Variants in FBXL13 observed in about 807,000 individuals in gnomAD.
FBXL13 encodes the protein F-box and leucine rich repeat protein 13.
In FBXL13, 67 loss-of-function variants were observed where a neutral mutation model predicts 83.6. The observed-to-expected ratio is 0.80, with a 90% CI of 0.66 to 0.98. The LOEUF (loss-of-function observed/expected upper bound fraction) is 0.98. Ranked by LOEUF, FBXL13 falls within the 50% of genes least tolerant of loss-of-function variation. The pLI, the probability that FBXL13 is intolerant of heterozygous loss-of-function variation, is 0.00. For synonymous variants in FBXL13, 272 were observed against 299.5 expected, an observed-to-expected ratio of 0.91 and a Z score of 0.95; for missense variants, 822 against 866.5, an observed-to-expected ratio of 0.95 and a Z score of 0.64.
intron 11 of FBXL13, among the ~76,000 whole-genome samples, chr7:102,887,966 T>TG (rs1811019666): frequency 6.6e-6 from 1 of 152,190 alleles, no homozygotes; most frequent in African/African-American, 2.4e-5. Flanking sequence ...AAGGCATCTT[T>TG]GGGGAAAAGA....
chr7:103,036,858 C>G (rs1311628333), intron 2 of FBXL13, among the ~76,000 whole-genome samples: 1 of 152,162 alleles, frequency 6.6e-6, no homozygotes, highest in African/African-American at 2.4e-5. Context: ...TGGACAGAAA[C>G]GCTCACTAAC....
intron 10 of FBXL13, among the ~76,000 whole-genome samples, chr7:102,921,714 G>A (rs566001475): frequency 1.6e-4 from 24 of 152,068 alleles, no homozygotes; most frequent in Non-Finnish European, 2.9e-4. Context: ...AAGAAGCTCT[G>A]TTTTAAGCAT....
At chr7:103,071,127 G>A (rs1274619966) in intron 1 of FBXL13, among the ~76,000 whole-genome samples, 1 of 151,110 alleles carries the variant, frequency 6.6e-6, no homozygotes, top group African/African-American at 2.4e-5. Flanking sequence ...AACCATCAAT[G>A]AAAAAGATCC....
chr7:102,986,057 C>T (rs1828917224), intron 6 of FBXL13, among the ~76,000 whole-genome samples: 1 of 149,152 alleles, frequency 6.7e-6, no homozygotes, highest in Non-Finnish European at 1.5e-5. Context: ...GACATCATAG[C>T]ACTTTCCAAA....
At chr7:102,960,717 G>C (rs1038753081) in intron 8 of FBXL13, among the ~76,000 whole-genome samples, 2 of 151,598 alleles carry the variant, frequency 1.3e-5, no homozygotes, top group Non-Finnish European at 3.0e-5. Context: ...CATATAAACA[G>C]AGCCAAAGAC....
chr7:103,026,370 C>A (rs1793920100), intron 5 of FBXL13, among the ~76,000 whole-genome samples: 1 of 151,990 alleles, frequency 6.6e-6, no homozygotes, highest in Non-Finnish European at 1.5e-5. Context: ...TGTACAGTTA[C>A]CTATTTCACT....
intron 11 of FBXL13, among the ~76,000 whole-genome samples, chr7:102,905,437 C>CT (rs1364649850): frequency 6.6e-6 from 1 of 152,050 alleles, no homozygotes; most frequent in Non-Finnish European, 1.5e-5. Flanking sequence ...GACTCCCATT[C>CT]TTTTTTGGTT....
At chr7:102,908,489 T>C (rs1224139659) in intron 11 of FBXL13, among the ~76,000 whole-genome samples, 1 of 152,242 alleles carries the variant, frequency 6.6e-6, no homozygotes, top group Admixed American at 6.5e-5. Flanking sequence ...TGTCTGGGCA[T>C]TGAAGAGTTA....
intron 1 of FBXL13, among the ~76,000 whole-genome samples, chr7:103,060,225 A>G (rs917425377): frequency 2.0e-5 from 3 of 150,560 alleles, no homozygotes; most frequent in Non-Finnish European, 4.4e-5. Flanking sequence ...AAACTCACTT[A>G]ATTTTGTTGT....
intron 1 of FBXL13, among the ~76,000 whole-genome samples, chr7:103,068,921 C>T (rs1322676655): frequency 2.0e-5 from 3 of 152,244 alleles, no homozygotes; most frequent in Admixed American, 6.5e-5. Flanking sequence ...CTTCAATGTA[C>T]TTGCCAGATT....
chr7:102,941,718 A>G (rs1821482299), intron 8 of FBXL13, among the ~76,000 whole-genome samples: 1 of 152,060 alleles, frequency 6.6e-6, no homozygotes, highest in Non-Finnish European at 1.5e-5. Flanking sequence ...TTTACCAACT[A>G]TCAATGCAAA....
intron 11 of FBXL13, among the ~76,000 whole-genome samples, chr7:102,893,946 GAA>G (rs1163056049): frequency 8.3e-6 from 1 of 120,224 alleles, no homozygotes; most frequent in African/African-American, 4.3e-5. Context: ...GAAAGAGAAA[GAA>G]AGAAAGAAAG....
chr7:102,965,858 TAAAGTCC>T, intron 7 of FBXL13, among the ~76,000 whole-genome samples: 1 of 152,330 alleles, frequency 6.6e-6, no homozygotes, highest in East Asian at 1.9e-4. Flanking sequence ...CCGTGTTGTC[TAAAGTCC>T]AGTCAATAGC....
intron 16 of FBXL13, among the ~76,000 whole-genome samples, chr7:102,873,390 C>T (rs1563024427): frequency 6.6e-6 from 1 of 152,162 alleles, no homozygotes; most frequent in Non-Finnish European, 1.5e-5. Flanking sequence ...TGATTCACTC[C>T]CTCTCTTCCT....
chr7:102,976,658 A>G (rs759787759), intron 6 of FBXL13, among the ~76,000 whole-genome samples: 17 of 151,784 alleles, frequency 1.1e-4, no homozygotes, highest in Non-Finnish European at 1.6e-4. Context: ...GTCCGTCCAC[A>G]TTACCCTTAA....
intron 11 of FBXL13, among the ~76,000 whole-genome samples, chr7:102,908,509 T>C (rs977408393): frequency 2.0e-5 from 3 of 152,214 alleles, no homozygotes; most frequent in Non-Finnish European, 4.4e-5. Flanking sequence ...AGGTATTTAT[T>C]GTAGTCTTCA....
intron 2 of FBXL13, among the ~76,000 whole-genome samples, chr7:103,051,329 C>A (rs1202222068): frequency 2.0e-5 from 3 of 152,176 alleles, no homozygotes; most frequent in African/African-American, 7.2e-5. Flanking sequence ...GGATCCAAGC[C>A]AATTAATTCC....
At chr7:103,000,948 C>T (rs1406540870) in intron 6 of FBXL13, among the ~76,000 whole-genome samples, 1 of 151,822 alleles carries the variant, frequency 6.6e-6, no homozygotes, top group East Asian at 1.9e-4. Context: ...ATTGTTTTGT[C>T]GTTGCTGTTG....
At chr7:103,070,351 C>A (rs1351634585) in intron 1 of FBXL13, among the ~76,000 whole-genome samples, 1 of 152,002 alleles carries the variant, frequency 6.6e-6, no homozygotes. Flanking sequence ...CATGCCTCAG[C>A]CTCCCAAATA....
Sources: allele counts gnomAD v4.1 joint callset (sites outside exome capture counted in the v4.1 genomes callset), GRCh38; gene constraint gnomAD v4.1.1; transcripts MANE v1.5; gene names NCBI Gene and HGNC (gene_info 2026-07-23, HGNC 2026-07-21).